The following R3HCC1L variants were observed in gnomAD, a reference collection of about 807,000 sequenced individuals.
The protein encoded by R3HCC1L is coiled-coil domain-containing protein R3HCC1L.
R3HCC1L carries 51 observed loss-of-function variants against 59.9 expected under a neutral mutation model. The observed-to-expected ratio is 0.85, with a 90% confidence interval of 0.68 to 1.07. The LOEUF (loss-of-function observed/expected upper bound fraction) is 1.07. R3HCC1L is among the 50% of genes least tolerant of loss of function. The pLI is 0.00. For synonymous variants in R3HCC1L, 322 were observed against 315.2 expected (o/e 1.02, Z -0.23); for missense variants, 965 against 933.0 (o/e 1.03, Z -0.45).
chr10:98,194,688 C>A (rs986908476), intron 4 of R3HCC1L, among the ~76,000 whole-genome samples: 2 of 152,090 alleles, frequency 1.3e-5, no homozygotes, highest in Non-Finnish European at 2.9e-5. Context: ...CAAGAAGATA[C>A]GTGCATGGCC....
At chr10:98,201,881 A>ATTT (rs145665708) in intron 4 of R3HCC1L, among the ~76,000 whole-genome samples, 3 of 143,346 alleles carry the variant, frequency 2.1e-5, no homozygotes, top group African/African-American at 7.8e-5. Flanking sequence ...GAAAGATGAG[A>ATTT]TTTTTTTTTT....
rs568380198 is a variant in R3HCC1L, at chr10:98,211,389, T to G, written c.1785+1490T>G. ...CTATATCAGAATGTGAGTAGGGAAC[T>G]GCAAATGACTGTCAGCCCATAATTA... On this transcript the variant is annotated intron_variant, in intron 5 of 9. Coordinates refer to ENST00000298999, the MANE Select transcript of R3HCC1L (RefSeq NM_001351015.2). 36 of 1,503,472 alleles carry G rather than the reference T, an allele frequency of 2.4e-5. No homozygotes were observed. In the Middle Eastern group the frequency reaches 6.8e-4, roughly 29 times the overall value. The allele number at this position is 1,503,472 out of a possible 1,614,324, so 93.1% of individuals were successfully genotyped here. A position where few individuals can be genotyped will look rare whatever the true frequency, so the allele number is the denominator to read the frequency against.
intron 7 of R3HCC1L, 88 bp from the exon 8 acceptor site, chr10:98,235,337 C>A (rs1856809213): frequency 1.8e-6 from 2 of 1,090,458 alleles, no homozygotes; most frequent in Non-Finnish European, 2.7e-6. Flanking sequence ...AAAAGCATAA[C>A]ATCTAGGAAA....
chr10:98,207,993 C>G (rs1852906207), intron 4 of R3HCC1L, 108 bp from the exon 5 acceptor site: 1 of 1,072,194 alleles, frequency 9.3e-7, no homozygotes, highest in South Asian at 1.7e-5. Flanking sequence ...CCACTGTACT[C>G]TAGCCTGGGT....
chr10:98,151,558 T>C (rs1846160296), intron 1 of R3HCC1L, among the ~76,000 whole-genome samples: 1 of 152,232 alleles, frequency 6.6e-6, no homozygotes, highest in South Asian at 2.1e-4. Flanking sequence ...GTTATGTTCC[T>C]ATATAATTAT....
chr10:98,147,741 A>T (rs1288274913), intron 1 of R3HCC1L, among the ~76,000 whole-genome samples: 1 of 151,952 alleles, frequency 6.6e-6, no homozygotes, highest in Non-Finnish European at 1.5e-5. Flanking sequence ...TTATATTTGG[A>T]TTCTCTATTT....
intron 4 of R3HCC1L, among the ~76,000 whole-genome samples, chr10:98,165,788 C>T (rs1413935653): frequency 6.6e-6 from 1 of 152,106 alleles, no homozygotes; most frequent in Admixed American, 6.5e-5. Context: ...AAATCTGGTC[C>T]CCAATGTGAT....
intron 4 of R3HCC1L, among the ~76,000 whole-genome samples, chr10:98,201,251 C>G (rs1001141462): frequency 6.6e-6 from 1 of 152,154 alleles, no homozygotes; most frequent in African/African-American, 2.4e-5. Flanking sequence ...AAGATATTTG[C>G]ATTGGCATTT....
intron 4 of R3HCC1L, among the ~76,000 whole-genome samples, chr10:98,182,664 C>T (rs1283808810): frequency 1.3e-5 from 2 of 152,206 alleles, no homozygotes; most frequent in South Asian, 2.1e-4. Flanking sequence ...CAGAGGCCTG[C>T]AGGCCTCATT....
chr10:98,155,802 G>T (rs915897632), intron 1 of R3HCC1L, among the ~76,000 whole-genome samples: 11 of 142,640 alleles, frequency 7.7e-5, no homozygotes, highest in Non-Finnish European at 9.3e-5. Flanking sequence ...TGATTTACTG[G>T]TTTTTTTTTT....
intron 4 of R3HCC1L, among the ~76,000 whole-genome samples, chr10:98,164,991 A>C (rs1169219601): frequency 2.0e-5 from 3 of 152,170 alleles, no homozygotes. Context: ...TGGGCATGGC[A>C]GCTCACCCCC....
chr10:98,202,221 A>G (rs945380281), intron 4 of R3HCC1L, among the ~76,000 whole-genome samples: 1 of 152,180 alleles, frequency 6.6e-6, no homozygotes, highest in African/African-American at 2.4e-5. Context: ...CATCACAGTA[A>G]AGATGGAATC....
At chr10:98,211,035 C>T (rs1323211974) in intron 5 of R3HCC1L, among the ~76,000 whole-genome samples, 1 of 152,184 alleles carries the variant, frequency 6.6e-6, no homozygotes, top group East Asian at 1.9e-4. Flanking sequence ...CAAACGAGCA[C>T]ATCCTGTCAG....
In R3HCC1L at chr10:98,236,027, TC is replaced by T. The variant is rs1366882491; in HGVS notation, c.2134del (p.Leu712SerfsTer14). 1 of 1,613,090 alleles carries T rather than the reference TC, an allele frequency of 6.2e-7. No homozygotes were observed. Among genetic ancestry groups the T allele is most frequent in the Non-Finnish European group, 8.5e-7 (1 of 1,179,312 alleles). ...AKAKARAYAE[F>X]LQPAKERPET... ...TCCCTTCCTTTCTTCGATTCAGAGT[TC>T]CTCCAGCCAGCAAAGGAGCGTCCTG... On this transcript the variant is annotated frameshift_variant, in exon 9 of 10. Coordinates refer to ENST00000298999, the MANE Select transcript of R3HCC1L (RefSeq NM_001351015.2). LOFTEE classifies it high-confidence loss of function.
chr10:98,195,485 A>G (rs1792149941), intron 4 of R3HCC1L, among the ~76,000 whole-genome samples: 1 of 151,276 alleles, frequency 6.6e-6, no homozygotes, highest in Non-Finnish European at 1.5e-5. Flanking sequence ...CAAAACGTCT[A>G]TAAGCATACA....
At chr10:98,137,931 A>G (rs1844754140) in intron 1 of R3HCC1L, among the ~76,000 whole-genome samples, 1 of 151,718 alleles carries the variant, frequency 6.6e-6, no homozygotes, top group African/African-American at 2.4e-5. Context: ...TTTAAAATTT[A>G]AGCTTATTGG....
At position 98,208,204 on chromosome 10, in the gene R3HCC1L, CCTT is replaced by C; in HGVS notation, c.91_93del (p.Leu31del). 4.9e-5 allele frequency: 79 copies of C among 1,613,982 alleles called. No homozygotes were observed. The highest frequency in any genetic ancestry group is 6.7e-5 in the Non-Finnish European group (79 of 1,180,018). ...CTAAAGCTCGTAGGGGTGCAGTACTCCTTAAGACAGGTGATGAAGAAGAAAGCT... is the reference window on the plus strand; with the variant it reads ...CTAAAGCTCGTAGGGGTGCAGTACTCAAGACAGGTGATGAAGAAGAAAGCT... On this transcript the variant is annotated inframe_deletion, in exon 5 of 10. Transcript: ENST00000298999.
intron 5 of R3HCC1L, among the ~76,000 whole-genome samples, chr10:98,219,443 G>C (rs1325765890): frequency 1.3e-5 from 2 of 152,090 alleles, no homozygotes; most frequent in African/African-American, 4.8e-5. Context: ...GTACATTCAT[G>C]GTTCCTTATT....
At chr10:98,198,993 T>A (rs993307495) in intron 4 of R3HCC1L, among the ~76,000 whole-genome samples, 1 of 152,196 alleles carries the variant, frequency 6.6e-6, no homozygotes, top group Non-Finnish European at 1.5e-5. Context: ...TAATGCAGTA[T>A]ATTCAAAATA....
Sources: allele counts gnomAD v4.1 joint callset (sites outside exome capture counted in the v4.1 genomes callset), GRCh38; gene constraint gnomAD v4.1.1; transcripts MANE v1.5; gene names NCBI Gene and HGNC (gene_info 2026-07-23, HGNC 2026-07-21).